PCTP: variants seen among roughly 807,000 people sequenced by gnomAD.
The protein encoded by PCTP is START domain-containing protein 2.
In PCTP, 27 loss-of-function variants were observed where a neutral mutation model predicts 31.0. The observed-to-expected ratio is 0.87, with a 90% confidence interval of 0.64 to 1.20. The LOEUF is 1.20. Ranked by LOEUF, PCTP falls within the 50% of genes most tolerant of loss-of-function variation. The pLI, the probability that PCTP is intolerant of heterozygous loss-of-function variation, is 0.00. For missense variants in PCTP, 287 were observed against 268.2 expected, an observed-to-expected ratio of 1.07 and a Z score of -0.49; for synonymous variants, 108 against 101.2, an observed-to-expected ratio of 1.07 and a Z score of -0.40.
the PCTP span, among the ~76,000 whole-genome samples, chr17:55,849,480 G>C: frequency 3.9e-5 from 6 of 152,080 alleles, no homozygotes; most frequent in Non-Finnish European, 8.8e-5. Context: ...ATAAATGGCT[G>C]GGGGTGGTGG....
At chr17:55,812,419 G>A (rs1912781425) in intron 3 of PCTP, among the ~76,000 whole-genome samples, 1 of 152,176 alleles carries the variant, frequency 6.6e-6, no homozygotes, top group Non-Finnish European at 1.5e-5. Context: ...AGCAAATGAT[G>A]TGCCAAGTTT....
At chr17:55,815,697 T>A (rs1385366149) in intron 3 of PCTP, among the ~76,000 whole-genome samples, 1 of 152,196 alleles carries the variant, frequency 6.6e-6, no homozygotes, top group Non-Finnish European at 1.5e-5. Flanking sequence ...CCCCTTTAAA[T>A]AAAACACCTT....
chr17:55,822,381 T>C (rs1913142524), intron 3 of PCTP, among the ~76,000 whole-genome samples: 1 of 152,194 alleles, frequency 6.6e-6, no homozygotes, highest in Non-Finnish European at 1.5e-5. Flanking sequence ...GTACCTTGAC[T>C]GTGGCCTTCT....
downstream of PCTP, among the ~76,000 whole-genome samples, chr17:55,826,754 C>G (rs1380286659): frequency 6.6e-6 from 1 of 152,180 alleles, no homozygotes; most frequent in Non-Finnish European, 1.5e-5. Flanking sequence ...GGTTTGGGCT[C>G]TGAGACATCC....
chr17:55,766,832 G>A (rs8075670), intron 1 of PCTP, among the ~76,000 whole-genome samples: 123,779 of 151,442 alleles, frequency 0.82, 54,290 homozygotes, highest in Non-Finnish European at 0.98. Context: ...CTGAGGAATC[G>A]CCACACTGAC....
At chr17:55,797,687 G>A (rs4531798) in intron 3 of PCTP, among the ~76,000 whole-genome samples, 1 of 151,780 alleles carries the variant, frequency 6.6e-6, no homozygotes, top group Admixed American at 6.6e-5. Context: ...AAAGACTAGC[G>A]CTAAAAGAGA....
chr17:55,817,477 G>T (rs1912962121), intron 3 of PCTP, among the ~76,000 whole-genome samples: 1 of 152,172 alleles, frequency 6.6e-6, no homozygotes, highest in African/African-American at 2.4e-5. Context: ...TAACCTAAAG[G>T]TGGCCTTGAC....
At chr17:55,764,211 G>T (rs191318343) in intron 1 of PCTP, among the ~76,000 whole-genome samples, 114 of 152,314 alleles carry the variant, frequency 7.5e-4, no homozygotes, top group African/African-American at 1.7e-3. Flanking sequence ...TTATTTAAAG[G>T]TTGGGGAGGT....
intron 3 of PCTP, among the ~76,000 whole-genome samples, chr17:55,792,536 G>GA (rs1032943808): frequency 6.6e-6 from 1 of 151,962 alleles, no homozygotes; most frequent in African/African-American, 2.4e-5. Context: ...TGTGCGGCCA[G>GA]AAAAAAGAAC....
chr17:55,789,116 G>A (rs755724305), intron 3 of PCTP, among the ~76,000 whole-genome samples: 9 of 152,168 alleles, frequency 5.9e-5, no homozygotes, highest in Admixed American at 1.3e-4. Context: ...GTAAAATTAT[G>A]TATGTAATCA....
At chr17:55,758,382 C>T (rs929354399) in intron 1 of PCTP, among the ~76,000 whole-genome samples, 1 of 152,128 alleles carries the variant, frequency 6.6e-6, no homozygotes, top group South Asian at 2.1e-4. Context: ...TGCATTTGGG[C>T]AGGCTGGGCT....
At chr17:55,805,568 G>A (rs1163248845) in intron 3 of PCTP, among the ~76,000 whole-genome samples, 1 of 151,844 alleles carries the variant, frequency 6.6e-6, no homozygotes, top group Non-Finnish European at 1.5e-5. Context: ...TATTCCGTGT[G>A]TGTAGACACA....
chr17:55,771,720 A>G (rs996186026), intron 3 of PCTP, among the ~76,000 whole-genome samples: 2 of 152,100 alleles, frequency 1.3e-5, no homozygotes, highest in Non-Finnish European at 2.9e-5. Flanking sequence ...CTTCCCCTCA[A>G]TGTCCTTGTT....
intron 3 of PCTP, among the ~76,000 whole-genome samples, chr17:55,817,444 A>G (rs1400830698): frequency 2.0e-5 from 3 of 152,258 alleles, no homozygotes; most frequent in African/African-American, 4.8e-5. Flanking sequence ...TAATAGCTGA[A>G]GAAATGACCA....
the PCTP span, among the ~76,000 whole-genome samples, chr17:55,851,318 A>G: frequency 2.2e-4 from 34 of 152,296 alleles, no homozygotes; most frequent in Non-Finnish European, 4.3e-4. Context: ...TTTCACAGAC[A>G]GTTTCAGAGA....
chr17:55,778,126 G>A (rs918607417), downstream of PCTP, among the ~76,000 whole-genome samples: 21 of 151,158 alleles, frequency 1.4e-4, no homozygotes, highest in African/African-American at 5.1e-4. Context: ...ATTTTTACTT[G>A]CTAATTTAGA....
chr17:55,779,298 G>A (rs1911475360), downstream of PCTP, among the ~76,000 whole-genome samples: 1 of 152,176 alleles, frequency 6.6e-6, no homozygotes, highest in African/African-American at 2.4e-5. Flanking sequence ...TAAGTGCTCA[G>A]AAAAGGAAAA....
At chr17:55,845,143 T>C (rs550973271), downstream of PCTP, among the ~76,000 whole-genome samples, 1 of 146,694 alleles carries the variant, frequency 6.8e-6, no homozygotes, top group South Asian at 2.2e-4. Context: ...GCACAGCTTC[T>C]GACGTGCACT....
At chr17:55,834,378 G>A (rs920298026) in intron 5 of PCTP, among the ~76,000 whole-genome samples, 2 of 151,986 alleles carry the variant, frequency 1.3e-5, no homozygotes, top group Non-Finnish European at 2.9e-5. Context: ...ACAGGCCTCA[G>A]TGTGTGTTGT....
Sources: allele counts gnomAD v4.1 joint callset (sites outside exome capture counted in the v4.1 genomes callset), GRCh38; gene constraint gnomAD v4.1.1; transcripts MANE v1.5; gene names NCBI Gene and HGNC (gene_info 2026-07-23, HGNC 2026-07-21).